Variants in PCNX2 observed in about 807,000 individuals in gnomAD.
PCNX2 encodes the protein pecanex-like protein 2.
Under a neutral mutation model 223.8 loss-of-function variants are expected in PCNX2, and 168 were observed. The ratio of observed to expected loss-of-function variants is 0.75; its 90% confidence interval spans 0.66 to 0.85. The LOEUF is 0.85. PCNX2 is among the 40% of genes least tolerant of loss of function. The probability of loss-of-function intolerance (pLI) is 0.00; values close to 1 mark genes in which losing one functional copy is unlikely to be tolerated. For synonymous variants in PCNX2, 1,006 were observed against 1,052.6 expected, an observed-to-expected ratio of 0.96 and a Z score of 0.86; for missense variants, 2,507 against 2,675.5, an observed-to-expected ratio of 0.94 and a Z score of 1.39.
rs749772935 is a variant in PCNX2, at chr1:233,252,798, A to G, written c.1835-10T>C. The G allele has an allele frequency of 3.1e-6, 5 of 1,592,340 alleles. No homozygotes were observed. The highest frequency in any genetic ancestry group is 3.4e-6 in the Non-Finnish European group (4 of 1,172,644). ...TCCTGGGAACAGTTATCTGAAAAAC[A>G]TTGCTTTACTTGTTAATTTAATATA... On this transcript the variant is annotated splice_polypyrimidine_tract_variant and intron_variant, in intron 5 of 33. Coordinates refer to ENST00000258229, the MANE Select transcript of PCNX2 (RefSeq NM_014801.4).
intron 2 of PCNX2, 127 bp from the exon 3 acceptor site, chr1:233,262,292 T>C: frequency 8.3e-7 from 1 of 1,211,468 alleles, no homozygotes; most frequent in South Asian, 1.5e-5. Flanking sequence ...CATATAAATC[T>C]TTTTTTGTTG....
At chr1:233,128,990 G>T (rs994534714) in intron 21 of PCNX2, among the ~76,000 whole-genome samples, 3 of 152,230 alleles carry the variant, frequency 2.0e-5, no homozygotes, top group African/African-American at 7.2e-5. Context: ...CTCACTCTTG[G>T]CGCCTCCTCG....
chr1:233,118,229 A>G (rs1030815725), intron 21 of PCNX2, among the ~76,000 whole-genome samples: 1 of 152,098 alleles, frequency 6.6e-6, no homozygotes, highest in Non-Finnish European at 1.5e-5. Context: ...TAGAAGGGGA[A>G]CTTTCTCTAC....
intron 26 of PCNX2, among the ~76,000 whole-genome samples, chr1:233,020,128 G>A (rs780931217): frequency 2.0e-5 from 3 of 152,216 alleles, no homozygotes; most frequent in Middle Eastern, 3.2e-3. Flanking sequence ...AGTCAGAATA[G>A]TCAATGAGGA....
intron 8 of PCNX2, among the ~76,000 whole-genome samples, chr1:233,238,693 C>CAAAAAAAA (rs397725959): frequency 7.7e-6 from 1 of 130,660 alleles, no homozygotes; most frequent in Admixed American, 7.7e-5. Flanking sequence ...GATCCTGTCT[C>CAAAAAAAA]AAAAAAAAAA....
chr1:233,022,695 C>CTTTTTTTTTTTTTTT (rs372153367), intron 26 of PCNX2, among the ~76,000 whole-genome samples: 3 of 128,674 alleles, frequency 2.3e-5, no homozygotes, highest in Admixed American at 8.2e-5. Flanking sequence ...CTTTTTCTTT[C>CTTTTTTTTTTTTTTT]TTTTTTTTTT....
chr1:233,213,081 C>T (rs1291264098), intron 12 of PCNX2, among the ~76,000 whole-genome samples: 8 of 152,148 alleles, frequency 5.3e-5, no homozygotes, highest in Non-Finnish European at 7.4e-5. Flanking sequence ...AAACAGTGTA[C>T]AAACTACCTG....
intron 25 of PCNX2, among the ~76,000 whole-genome samples, chr1:233,040,529 T>C (rs1460376251): frequency 6.6e-6 from 1 of 152,144 alleles, no homozygotes; most frequent in Admixed American, 6.6e-5. Context: ...TCCCACCACT[T>C]GGTCAGCACT....
intron 22 of PCNX2, among the ~76,000 whole-genome samples, chr1:233,092,853 C>T (rs958855948): frequency 1.4e-4 from 22 of 152,140 alleles, no homozygotes; most frequent in Admixed American, 5.2e-4. Flanking sequence ...GGCTAGAGTG[C>T]GGTGGCACCA....
intron 1 of PCNX2, among the ~76,000 whole-genome samples, chr1:233,264,752 T>C (rs892037162): frequency 2.0e-5 from 3 of 152,204 alleles, no homozygotes; most frequent in African/African-American, 7.2e-5. Flanking sequence ...CATTTGTAAA[T>C]ATAAACCTTA....
intron 15 of PCNX2, among the ~76,000 whole-genome samples, chr1:233,192,882 C>A (rs1572051513): frequency 6.6e-6 from 1 of 150,556 alleles, no homozygotes; most frequent in African/African-American, 2.4e-5. Flanking sequence ...TAACATTATG[C>A]CTGCAGATAA....
intron 28 of PCNX2, among the ~76,000 whole-genome samples, chr1:233,009,897 G>A (rs927185080): frequency 6.6e-5 from 10 of 152,160 alleles, no homozygotes; most frequent in Non-Finnish European, 1.5e-4. Flanking sequence ...GAGGGGCTTT[G>A]CCACACTGCA....
chr1:233,294,557 T>A (rs543837931), intron 1 of PCNX2, among the ~76,000 whole-genome samples: 6 of 152,208 alleles, frequency 3.9e-5, no homozygotes, highest in Admixed American at 1.3e-4. Context: ...CCAACCGACA[T>A]ACCAAAATTA....
At chr1:233,070,404 G>C (rs1672803568) in intron 23 of PCNX2, among the ~76,000 whole-genome samples, 1 of 151,200 alleles carries the variant, frequency 6.6e-6, no homozygotes, top group South Asian at 2.1e-4. Context: ...GACAAAAACA[G>C]CATGAAAAAA....
rs540074217 is a variant in PCNX2 at position 233,012,577 on chromosome 1, TGCA to T, written c.4952+2085_4952+2087del. The stretch of plus-strand genomic sequence containing the variant: ...CCCAGAGTTACCTCATCACCATGTC[TGCA>T]GCAAGTAGAGTTGACATTGAGTATG... On this transcript the variant is annotated intron_variant, in intron 28 of 33. Transcript: ENST00000258229. Among the ~76,000 whole-genome samples the T allele has an allele frequency of 7.9e-4, 120 of 152,130 alleles. 2 individuals carry two copies. Among genetic ancestry groups the T allele is most frequent in the Admixed American group, 7.6e-3 (116 of 15,280 alleles).
rs969024489 is a variant in PCNX2 at position 232,990,325 on chromosome 1, G to A, written c.5792-3785C>T. 2.0e-5 allele frequency among the ~76,000 whole-genome samples: 3 copies of A among 152,206 alleles called. No individual in the cohort carries two copies. Among genetic ancestry groups the A allele is most frequent in the African/African-American group, 7.2e-5 (3 of 41,452 alleles). Reference sequence around the variant, plus strand: ...CACTGGGTCTCAGGTGCAGTGTCTTGAGGGGAATGAAAGCTCTGTGCTCCC... The same window carrying A: ...CACTGGGTCTCAGGTGCAGTGTCTTAAGGGGAATGAAAGCTCTGTGCTCCC... On this transcript the variant is annotated intron_variant, in intron 32 of 33. Coordinates refer to ENST00000258229, the MANE Select transcript of PCNX2 (RefSeq NM_014801.4). The surrounding 1 kb of genome is among the most constrained non-coding windows in gnomAD (Gnocchi z 4.3).
intron 25 of PCNX2, among the ~76,000 whole-genome samples, chr1:233,031,457 A>G (rs759377394): frequency 5.9e-5 from 9 of 152,238 alleles, no homozygotes; most frequent in African/African-American, 1.2e-4. Flanking sequence ...ACAGGCACCA[A>G]TTGAGGAACT....
At chr1:233,031,319 A>G (rs1671255564) in intron 25 of PCNX2, among the ~76,000 whole-genome samples, 1 of 152,168 alleles carries the variant, frequency 6.6e-6, no homozygotes, top group Non-Finnish European at 1.5e-5. Flanking sequence ...ACCCCTATTC[A>G]TTATTCACTT....
the PCNX2 span, among the ~76,000 whole-genome samples, chr1:233,322,949 C>T: frequency 8.0e-6 from 1 of 125,724 alleles, no homozygotes; most frequent in African/African-American, 2.9e-5. Context: ...AGCAACACAC[C>T]AATAAATTAC....
Sources: gnomAD v4.1 joint callset for allele counts (sites outside exome capture counted in the v4.1 genomes callset) on GRCh38, gnomAD v4.1.1 for gene constraint, Gnocchi (gnomAD v3.1) non-coding constraint, MANE v1.5 for transcripts, NCBI Gene and HGNC (gene_info 2026-07-23, HGNC 2026-07-21) for gene names.